GRHL1: variants seen among roughly 807,000 people sequenced by gnomAD.
GRHL1 encodes grainyhead-like protein 1 homolog.
GRHL1 carries 38 observed loss-of-function variants against 75.7 expected under a neutral mutation model. The observed-to-expected ratio is 0.50, with a 90% CI of 0.39 to 0.66. The LOEUF is 0.66. GRHL1 is among the 30% of genes least tolerant of loss of function. GRHL1 has a pLI of 0.00. For missense variants in GRHL1, 589 were observed against 767.5 expected (o/e 0.77, Z 2.75); for synonymous variants, 266 against 279.4 (o/e 0.95, Z 0.48).
intron 9 of GRHL1, among the ~76,000 whole-genome samples, chr2:9,988,864 GA>G (rs1006285952): frequency 6.6e-6 from 1 of 152,128 alleles, no homozygotes; most frequent in African/African-American, 2.4e-5. Context: ...ATGTTATGTA[GA>G]AACAGAAATA....
Position 9,986,253 on chromosome 2 carries a change from T to A in GRHL1, c.1240T>A (p.Tyr414Asn). Reference sequence around the variant, plus strand: ...CAGCAACAAGCCTGTGCACCGGGCCTACTGCCAGATCAAGGTCTTCTGTGA... The same window carrying A: ...CAGCAACAAGCCTGTGCACCGGGCCAACTGCCAGATCAAGGTCTTCTGTGA... ...NRSNKPVHRA[Y>N]CQIKVFCDKG... Residue 414 changes from tyrosine to asparagine, a missense_variant, in exon 9 of 16, where the codon TAC becomes AAC. Tyr to Asn is a moderately radical substitution (Grantham distance 143, BLOSUM62 -2). Transcript: ENST00000324907. The A allele has an allele frequency of 6.2e-7, 1 of 1,613,658 alleles. No individual in the cohort carries two copies. Among genetic ancestry groups the A allele is most frequent in the Non-Finnish European group, 8.5e-7 (1 of 1,179,832 alleles).
In GRHL1 at chr2:9,960,969, C is replaced by A. The variant is rs570804953; in HGVS notation, c.279-77C>A. On this transcript the variant is annotated intron_variant, in intron 3 of 15. Coordinates refer to ENST00000324907, the MANE Select transcript of GRHL1 (RefSeq NM_198182.3). ...TGTTATTGCACAGGACCCAACAGCC[C>A]AATGCCATTAGGAAAATAAAAATTG... The A allele has an allele frequency of 4.1e-4, 471 of 1,141,066 alleles. No individual in the cohort carries two copies. In the East Asian group the frequency reaches 8.2e-3, roughly 20 times the overall value. 70.7% of individuals were successfully genotyped at this position (1,141,066 alleles called of 1,614,324 possible).
intron 13 of GRHL1, 90 bp from the exon 14 acceptor site, chr2:9,996,225 AC>A: frequency 1.1e-6 from 1 of 896,678 alleles, no homozygotes; most frequent in Non-Finnish European, 1.9e-6. Context: ...TTTAGCTGGT[AC>A]CGTGGTCTGT....
At chr2:9,986,482 A>G (rs893768088) in intron 9 of GRHL1, among the ~76,000 whole-genome samples, 200 bp downstream of exon 9, 17 of 151,948 alleles carry the variant, frequency 1.1e-4, no homozygotes, top group Admixed American at 9.2e-4. Context: ...AAGTGGTGCA[A>G]TCTCGGCTCA....
intron 8 of GRHL1, among the ~76,000 whole-genome samples, chr2:9,982,845 T>C (rs1668256334): frequency 6.6e-6 from 1 of 152,254 alleles, no homozygotes; most frequent in African/African-American, 2.4e-5. Context: ...CACAAAATTA[T>C]TGTCACCAGT....
intron 12 of GRHL1, 94 bp from the exon 13 acceptor site, chr2:9,995,785 T>C: frequency 1.4e-6 from 1 of 730,888 alleles, no homozygotes; most frequent in Non-Finnish European, 2.4e-6. Flanking sequence ...TGAAAGTCAT[T>C]TTAAATCTAG....
chr2:9,954,755 G>T, intron 1 of GRHL1, 160 bp from the exon 2 acceptor site: 2 of 696,568 alleles, frequency 2.9e-6, no homozygotes, highest in East Asian at 5.4e-5. Context: ...CCATTGGTCT[G>T]CACTTACGTG....
At chr2:9,986,708 G>A (rs547216845) in intron 9 of GRHL1, among the ~76,000 whole-genome samples, 9 of 151,238 alleles carry the variant, frequency 6.0e-5, no homozygotes, top group East Asian at 2.0e-4. Context: ...GTGAGCCACC[G>A]CGCCCAGCCT....
At position 9,987,710 on chromosome 2, in the gene GRHL1, G is replaced by C. The variant is rs1389501771; in HGVS notation, c.1269+1428G>C. The stretch of plus-strand genomic sequence containing the variant: ...ACTTTTGCCCAGTGCAGAGCCAGGG[G>C]CTGAGCTGGATTCAATGCAGGGAGA... On this transcript the variant is annotated intron_variant, in intron 9 of 15. Transcript: ENST00000324907. This position sits in a 1 kb window ranked among gnomAD's most constrained non-coding sequence, Gnocchi z 4.2. Among the ~76,000 whole-genome samples the C allele has an allele frequency of 6.6e-6, 1 of 152,192 alleles. No homozygotes were observed. The highest frequency in any genetic ancestry group is 1.5e-5 in the Non-Finnish European group (1 of 68,036).
chr2:9,962,425 T>C, intron 4 of GRHL1, 30 bp from the exon 5 acceptor site: 3 of 1,297,682 alleles, frequency 2.3e-6, no homozygotes, highest in Non-Finnish European at 2.2e-6. Context: ...ACCAGTTAAA[T>C]AGTTGTGGCT....
intron 8 of GRHL1, among the ~76,000 whole-genome samples, chr2:9,976,919 A>G (rs1349456508): frequency 6.6e-6 from 1 of 152,160 alleles, no homozygotes; most frequent in Non-Finnish European, 1.5e-5. Context: ...ATGCTAAGGA[A>G]TGTTGTCTTT....
chr2:9,970,020 T>A (rs1667657866), intron 8 of GRHL1, among the ~76,000 whole-genome samples: 3 of 152,086 alleles, frequency 2.0e-5, no homozygotes, highest in Admixed American at 2.0e-4. Context: ...TTTTTTTGTA[T>A]TTTTAGTAGA....
intron 7 of GRHL1, 84 bp from the exon 8 acceptor site, chr2:9,965,203 C>G (rs983615483): frequency 9.7e-6 from 7 of 725,104 alleles, no homozygotes; most frequent in Admixed American, 2.1e-5. Flanking sequence ...ATGCTAAAAA[C>G]TAGATCTTAT....
At chr2:9,996,855 C>T (rs776691596) in intron 14 of GRHL1, among the ~76,000 whole-genome samples, 2 of 152,172 alleles carry the variant, frequency 1.3e-5, no homozygotes, top group Non-Finnish European at 2.9e-5. Context: ...GACGTGTAAC[C>T]AGTGATGGCC....
intron 8 of GRHL1, among the ~76,000 whole-genome samples, chr2:9,970,970 T>G (rs1011066022): frequency 1.3e-5 from 2 of 152,148 alleles, no homozygotes; most frequent in East Asian, 1.9e-4. Flanking sequence ...TCTCCTTGTC[T>G]CAGCAAAAGC....
chr2:9,953,052 A>G (rs1159127499), intron 1 of GRHL1: 1 of 456,796 alleles, frequency 2.2e-6, no homozygotes, highest in Admixed American at 2.3e-5. Context: ...GGACTAAGAA[A>G]GGCAACTGGT....
At chr2:9,981,470 T>C (rs1668193939) in intron 8 of GRHL1, among the ~76,000 whole-genome samples, 1 of 152,212 alleles carries the variant, frequency 6.6e-6, no homozygotes, top group Admixed American at 6.5e-5. Flanking sequence ...ATGGTTTAGA[T>C]CACTGGTCAG....
At chr2:9,977,269 C>T (rs1432430542) in intron 8 of GRHL1, among the ~76,000 whole-genome samples, 5 of 151,938 alleles carry the variant, frequency 3.3e-5, no homozygotes, top group African/African-American at 1.2e-4. Flanking sequence ...TTCTGTCTCT[C>T]ATTACTAGTA....
intron 1 of GRHL1, among the ~76,000 whole-genome samples, chr2:9,954,075 A>G (rs917447169): frequency 6.6e-6 from 1 of 152,222 alleles, no homozygotes; most frequent in Non-Finnish European, 1.5e-5. Context: ...GGTTTCACTA[A>G]GATCGCCATT....
Sources: allele counts gnomAD v4.1 joint callset (sites outside exome capture counted in the v4.1 genomes callset), GRCh38; gene constraint gnomAD v4.1.1; non-coding constraint Gnocchi (gnomAD v3.1); transcripts MANE v1.5; gene names NCBI Gene and HGNC (gene_info 2026-07-23, HGNC 2026-07-21).